The following MYCBP2 variants were observed in gnomAD, a reference collection of about 807,000 sequenced individuals.
MYCBP2 encodes the protein MYC binding protein 2.
In MYCBP2, 120 loss-of-function variants were observed where a neutral mutation model predicts 525.3. That is an observed-to-expected ratio of 0.23 (90% CI 0.20 to 0.27). MYCBP2 has a LOEUF of 0.27. Ranked by LOEUF, MYCBP2 falls within the 10% of genes least tolerant of loss-of-function variation. The probability of loss-of-function intolerance (pLI) is 1.00; values close to 1 mark genes in which losing one functional copy is unlikely to be tolerated. For synonymous variants in MYCBP2, 1,894 were observed against 1,955.8 expected (o/e 0.97, Z 0.83); for missense variants, 4,149 against 5,657.1 (o/e 0.73, Z 8.55).
intron 43 of MYCBP2, among the ~76,000 whole-genome samples, chr13:77,163,134 G>A (rs941340012): frequency 6.6e-6 from 1 of 152,064 alleles, no homozygotes; most frequent in African/African-American, 2.4e-5. Context: ...AGACATTTTG[G>A]TTGTTTCTAG....
In MYCBP2 at chr13:77,090,200, G is replaced by A; in HGVS notation, c.10431C>T (p.Tyr3477=). 6.2e-7 allele frequency: 1 copy of A among 1,612,784 alleles called. No individual in the cohort carries two copies. Among genetic ancestry groups the A allele is most frequent in the South Asian group, 1.1e-5 (1 of 91,010 alleles). Residue 3477 remains tyrosine (Y), a synonymous_variant, in exon 60 of 83, where the codon TAC becomes TAT. Transcript: ENST00000544440. The part of the protein sequence containing the change: ...LAKRTVFQRS[Y]SVVASEYDKQ... ...TATCATATTCGGAAGCAACAACTGA[G>A]TATGATCTTTGGAAGACAGTTCTCT...
intron 52 of MYCBP2, chr13:77,129,817 T>C (rs1461634703): frequency 1.3e-5 from 2 of 151,902 alleles, no homozygotes; most frequent in African/African-American, 4.8e-5. Flanking sequence ...TGTTTCTGAA[T>C]GCTACTAACA....
At chr13:77,193,286 T>G (rs2061461014) in intron 27 of MYCBP2, among the ~76,000 whole-genome samples, 1 of 152,190 alleles carries the variant, frequency 6.6e-6, no homozygotes, top group African/African-American at 2.4e-5. Flanking sequence ...AAAAAAATCT[T>G]GCGATATTAG....
chr13:77,251,900 T>C (rs2071276228), intron 14 of MYCBP2, among the ~76,000 whole-genome samples: 1 of 152,204 alleles, frequency 6.6e-6, no homozygotes, highest in Non-Finnish European at 1.5e-5. Flanking sequence ...ACACCCTGTG[T>C]CCTTCCATAT....
Position 77,146,224 on chromosome 13 carries a change from G to A in MYCBP2, c.7132-7C>T. Reference sequence around the variant, plus strand: ...ATGAATAATTTTCATAAACCTTTAAGAAAGAGACCAGTCTGAACAATCGTA... The same window carrying A: ...ATGAATAATTTTCATAAACCTTTAAAAAAGAGACCAGTCTGAACAATCGTA... On this transcript the variant is annotated splice_polypyrimidine_tract_variant and splice_region_variant and intron_variant, in intron 47 of 82. Transcript: ENST00000544440. 1.3e-6 allele frequency: 2 copies of A among 1,579,920 alleles called. No individual in the cohort carries two copies. The highest frequency in any genetic ancestry group is 1.7e-6 in the Non-Finnish European group (2 of 1,160,134).
At chr13:77,179,269 G>A (rs1237243843) in intron 34 of MYCBP2, among the ~76,000 whole-genome samples, 1 of 152,116 alleles carries the variant, frequency 6.6e-6, no homozygotes, top group Non-Finnish European at 1.5e-5. Context: ...AAGAACTTGG[G>A]AGCTAGGGCC....
intron 70 of MYCBP2, 52 bp from the exon 71 acceptor site, chr13:77,067,916 G>A: frequency 2.0e-6 from 3 of 1,512,862 alleles, no homozygotes; most frequent in Non-Finnish European, 2.7e-6. Context: ...AATGTTTTAA[G>A]GTTTCTTTTA....
At chr13:77,152,437 G>A (rs1397942908) in intron 46 of MYCBP2, among the ~76,000 whole-genome samples, 2 of 152,192 alleles carry the variant, frequency 1.3e-5, no homozygotes, top group African/African-American at 2.4e-5. Context: ...GGAGAAGGTG[G>A]TTCCCTGGCA....
chr13:77,200,814 A>G (rs2062432813), intron 26 of MYCBP2, among the ~76,000 whole-genome samples: 1 of 152,164 alleles, frequency 6.6e-6, no homozygotes, highest in South Asian at 2.1e-4. Flanking sequence ...TGAAGGAGAA[A>G]TAAAATACTT....
At chr13:77,106,326 A>C (rs1260158014) in intron 55 of MYCBP2, among the ~76,000 whole-genome samples, 1 of 152,184 alleles carries the variant, frequency 6.6e-6, no homozygotes, top group Non-Finnish European at 1.5e-5. Flanking sequence ...TTGGTGTTCA[A>C]TTTGTTGATT....
intron 8 of MYCBP2, among the ~76,000 whole-genome samples, chr13:77,267,404 AAAATAAAATTAAATTAAATT>A (rs1258091614): frequency 5.3e-5 from 8 of 150,910 alleles, no homozygotes; most frequent in South Asian, 2.1e-4. Context: ...AAAATAAAAT[AAAATAAAATTAAATTAAATT>A]AAATAAAATT....
chr13:77,173,081 G>C (rs1451922565), intron 37 of MYCBP2, among the ~76,000 whole-genome samples: 7 of 152,172 alleles, frequency 4.6e-5, no homozygotes, highest in Non-Finnish European at 7.3e-5. Context: ...TGTCAGAAGA[G>C]AGACCCGGAG....
intron 82 of MYCBP2, among the ~76,000 whole-genome samples, chr13:77,049,296 A>T (rs956007719): frequency 2.0e-5 from 3 of 151,424 alleles, no homozygotes; most frequent in African/African-American, 7.3e-5. Context: ...TACTTCTATT[A>T]AAAAAAAACA....
chr13:77,188,576 C>A (rs2060981224), intron 30 of MYCBP2, among the ~76,000 whole-genome samples: 1 of 152,238 alleles, frequency 6.6e-6, no homozygotes. Context: ...GTTAGATATG[C>A]AACTCTTCCA....
intron 52 of MYCBP2, 59 bp downstream of exon 52, chr13:77,139,137 A>C: frequency 2.6e-6 from 4 of 1,541,332 alleles, no homozygotes; most frequent in Non-Finnish European, 3.5e-6. Flanking sequence ...AATTAAAGAA[A>C]GCTCTGTAAA....
chr13:77,129,254 A>C (rs2052287646), intron 52 of MYCBP2: 1 of 397,392 alleles, frequency 2.5e-6, no homozygotes, highest in South Asian at 1.3e-4. Context: ...TTTAAGAAAG[A>C]AAAATATCAA....
At chr13:77,054,855 C>T (rs1048806733) in intron 80 of MYCBP2, among the ~76,000 whole-genome samples, 4 of 152,102 alleles carry the variant, frequency 2.6e-5, no homozygotes, top group African/African-American at 2.4e-5. Context: ...CCCACCTTGG[C>T]CTCCCAAAGT....
intron 18 of MYCBP2, among the ~76,000 whole-genome samples, chr13:77,226,036 T>A (rs1050919441): frequency 6.6e-6 from 1 of 152,322 alleles, no homozygotes; most frequent in South Asian, 2.1e-4. Context: ...ACACTGCCCA[T>A]AAGTATTTTG....
At chr13:77,096,902 T>C (rs1269666832) in intron 56 of MYCBP2, among the ~76,000 whole-genome samples, 2 of 152,174 alleles carry the variant, frequency 1.3e-5, no homozygotes, top group Admixed American at 1.3e-4. Context: ...GAATTTGGAA[T>C]ATTAGTCAAT....
Sources: allele counts gnomAD v4.1 joint callset (sites outside exome capture counted in the v4.1 genomes callset), GRCh38; gene constraint gnomAD v4.1.1; transcripts MANE v1.5; gene names NCBI Gene and HGNC (gene_info 2026-07-23, HGNC 2026-07-21).